Variants in TMTC2 observed in about 807,000 individuals in gnomAD.
TMTC2 encodes transmembrane O-mannosyltransferase targeting cadherins 2, also known as protein O-mannosyl-transferase TMTC2.
Under a neutral mutation model 82.4 loss-of-function variants are expected in TMTC2, and 43 were observed. The ratio of observed to expected loss-of-function variants is 0.52; its 90% CI spans 0.41 to 0.67. TMTC2 has a LOEUF of 0.67. Ranked by LOEUF, TMTC2 falls within the 30% of genes least tolerant of loss-of-function variation. The pLI, the probability that TMTC2 is intolerant of heterozygous loss-of-function variation, is 0.00. For synonymous variants in TMTC2, 408 were observed against 381.9 expected (o/e 1.07, Z -0.80); for missense variants, 919 against 1,012.4 (o/e 0.91, Z 1.25).
chr12:83,072,084 C>G (rs564077278), intron 11 of TMTC2, among the ~76,000 whole-genome samples: 3 of 152,072 alleles, frequency 2.0e-5, no homozygotes, highest in African/African-American at 7.2e-5. Context: ...TCTAATTCCT[C>G]GAGGTGTGAC....
At chr12:82,699,279 T>G (rs1872959137) in intron 1 of TMTC2, among the ~76,000 whole-genome samples, 1 of 152,220 alleles carries the variant, frequency 6.6e-6, no homozygotes. Flanking sequence ...AAGCAGTTTT[T>G]GTTCTCTTCT....
At position 82,810,012 on chromosome 12, in the gene TMTC2, A is replaced by G. The variant is rs935592790; in HGVS notation, c.84-46998A>G. Among the ~76,000 whole-genome samples, 152 of 152,214 alleles carry G rather than the reference A, an allele frequency of 1.0e-3. 3 individuals carry two copies. The highest frequency in any genetic ancestry group is 1.0e-3 in the Non-Finnish European group (69 of 67,998). ...ATCTCTTCATTTTAGAGGAGCTGAA[A>G]TGCTGAGAATTTATATACAGAATCT... is the stretch of plus-strand genomic sequence containing the variant. On this transcript the variant is annotated intron_variant, in intron 1 of 11. Coordinates refer to ENST00000321196, the MANE Select transcript of TMTC2 (RefSeq NM_152588.3).
chr12:82,856,491 C>T (rs1871264326), intron 1 of TMTC2, among the ~76,000 whole-genome samples: 1 of 152,140 alleles, frequency 6.6e-6, no homozygotes. Context: ...TGGCTTCTCC[C>T]CAGGCCTACT....
chr12:83,043,500 A>G lies in TMTC2; in HGVS notation c.2153-7404A>G, dbSNP rs567526192. On this transcript the variant is annotated intron_variant, in intron 9 of 11. Transcript: ENST00000321196. ...TCTTTGAAAAAGTCCGCAGGTACAG[A>G]TAGTTGCTTCCGGGATGCTGGCAAT... Among the ~76,000 whole-genome samples the G allele has an allele frequency of 1.4e-4, 21 of 152,314 alleles. 1 individual carries two copies. The highest frequency in any genetic ancestry group is 2.8e-4 in the Non-Finnish European group (19 of 68,030).
chr12:82,689,498 C>G (rs1872486181), intron 1 of TMTC2, among the ~76,000 whole-genome samples: 1 of 152,160 alleles, frequency 6.6e-6, no homozygotes, highest in Non-Finnish European at 1.5e-5. Flanking sequence ...GGTGGTGAAT[C>G]AAGTATTCCT....
chr12:82,902,205 C>T (rs1292201524), intron 3 of TMTC2, among the ~76,000 whole-genome samples: 2 of 152,084 alleles, frequency 1.3e-5, no homozygotes, highest in Non-Finnish European at 2.9e-5. Context: ...TGGCTCTTCC[C>T]GATGACACTC....
chr12:82,829,265 T>C (rs913229675), intron 1 of TMTC2, among the ~76,000 whole-genome samples: 1 of 152,212 alleles, frequency 6.6e-6, no homozygotes, highest in Admixed American at 6.5e-5. Flanking sequence ...TCCTAGTGCT[T>C]GAGTTACTTT....
intron 3 of TMTC2, among the ~76,000 whole-genome samples, chr12:82,909,388 G>A (rs932722458): frequency 1.3e-5 from 2 of 152,122 alleles, no homozygotes; most frequent in African/African-American, 4.8e-5. Flanking sequence ...CGCCCAGGCT[G>A]GGGTATAGTG....
intron 1 of TMTC2, among the ~76,000 whole-genome samples, chr12:82,705,694 A>G (rs796329630): frequency 5.3e-5 from 8 of 152,322 alleles, no homozygotes; most frequent in African/African-American, 1.9e-4. Context: ...ATCTCCCGAG[A>G]AAGCATCAGT....
intron 8 of TMTC2, among the ~76,000 whole-genome samples, chr12:82,987,011 A>G (rs1879179494): frequency 6.6e-6 from 1 of 152,212 alleles, no homozygotes; most frequent in South Asian, 2.1e-4. Flanking sequence ...AACATAGAGC[A>G]AATGATCAGG....
chr12:82,998,797 A>G (rs1044889931), intron 8 of TMTC2, among the ~76,000 whole-genome samples: 3 of 152,116 alleles, frequency 2.0e-5, no homozygotes, highest in African/African-American at 7.2e-5. Flanking sequence ...CTATTCCAAC[A>G]TGAAAAAAAA....
At chr12:83,122,362 T>G (rs994492102) in intron 11 of TMTC2, among the ~76,000 whole-genome samples, 3 of 151,462 alleles carry the variant, frequency 2.0e-5, no homozygotes, top group Non-Finnish European at 4.4e-5. Context: ...GTTCACATTG[T>G]TACAAACTTC....
In TMTC2 at chr12:82,895,795, TC is replaced by T. The variant is rs772636206; in HGVS notation, c.655-20del. On this transcript the variant is annotated intron_variant, in intron 2 of 11. Transcript: ENST00000321196. ...CTGTACTGATAATAATCTTAATTTT[TC>T]CCTTCTCTCTTTTGGTTTCAGAGGA... The T allele has an allele frequency of 9.5e-6, 15 of 1,571,244 alleles. 1 individual carries two copies. The Admixed American group carries it at 2.4e-4, about 25-fold the overall frequency.
At chr12:83,043,886 A>G (rs565472780) in intron 9 of TMTC2, among the ~76,000 whole-genome samples, 2 of 152,322 alleles carry the variant, frequency 1.3e-5, no homozygotes, top group Non-Finnish European at 2.9e-5. Context: ...ACAATAGCAT[A>G]TAATAGGTAT....
rs181798234 is a variant in TMTC2 at position 83,055,518 on chromosome 12, G to A, written c.2267+4500G>A. On this transcript the variant is annotated intron_variant, in intron 10 of 11. Transcript: ENST00000321196. ...AACACAGTAGAGTTATATCTATAGC[G>A]TTATGAGAAGAAACTATTGAATCAT... Among the ~76,000 whole-genome samples, 398 of 152,104 alleles carry A rather than the reference G, an allele frequency of 2.6e-3. 2 individuals are homozygous for A. The highest frequency in any genetic ancestry group is 9.1e-3 in the African/African-American group (379 of 41,528).
intron 1 of TMTC2, among the ~76,000 whole-genome samples, chr12:82,795,254 G>A (rs1023538732): frequency 2.7e-5 from 4 of 147,924 alleles, no homozygotes; most frequent in African/African-American, 5.0e-5. Flanking sequence ...GCAGTGAGCC[G>A]AGATCGTGCC....
intron 3 of TMTC2, among the ~76,000 whole-genome samples, chr12:82,908,672 G>C (rs957937888): frequency 2.0e-5 from 3 of 152,060 alleles, no homozygotes; most frequent in Admixed American, 2.0e-4. Context: ...TATAGAATCA[G>C]GTTAGGAGCA....
chr12:83,030,887 G>A lies in TMTC2; in HGVS notation c.2152+8G>A. On this transcript the variant is annotated splice_region_variant and intron_variant, in intron 9 of 11. Coordinates refer to ENST00000321196, the MANE Select transcript of TMTC2 (RefSeq NM_152588.3). ...ACTGTTACATGCATTATGGTGAGTG[G>A]TTGATAGTTTTTTTTCCATGTCCCC... 6.2e-7 allele frequency: 1 copy of A among 1,606,868 alleles called. No homozygotes were observed. Among genetic ancestry groups the A allele is most frequent in the Non-Finnish European group, 8.5e-7 (1 of 1,173,708 alleles).
chr12:82,780,846 G>A (rs543446902), intron 1 of TMTC2, among the ~76,000 whole-genome samples: 1 of 151,240 alleles, frequency 6.6e-6, no homozygotes, highest in South Asian at 2.1e-4. Context: ...CTTTCTGGTT[G>A]CAAATATTTT....
Sources: allele counts gnomAD v4.1 joint callset (sites outside exome capture counted in the v4.1 genomes callset), GRCh38; gene constraint gnomAD v4.1.1; transcripts MANE v1.5; gene names NCBI Gene and HGNC (gene_info 2026-07-23, HGNC 2026-07-21).